VWA3B: variants seen among roughly 807,000 people sequenced by gnomAD.
The protein encoded by VWA3B is von Willebrand factor A domain-containing protein 3B.
Under a neutral mutation model 158.3 loss-of-function variants are expected in VWA3B, and 138 were observed. The ratio of observed to expected loss-of-function variants is 0.87; its 90% CI spans 0.76 to 1.00. The LOEUF (loss-of-function observed/expected upper bound fraction) is 1.00. Among genes scored for constraint, VWA3B ranks in the 50% least tolerant of loss-of-function variants. The pLI is 0.00. For missense variants in VWA3B, 1,555 were observed against 1,565.1 expected (o/e 0.99, Z 0.11); for synonymous variants, 596 against 587.3 (o/e 1.01, Z -0.21).
Position 98,218,550 on chromosome 2 carries a change from G to A in VWA3B, c.2019+522G>A, listed in dbSNP as rs144841218. Among the ~76,000 whole-genome samples the A allele has an allele frequency of 4.3e-3, 657 of 152,320 alleles. 7 individuals carry two copies. The highest frequency in any genetic ancestry group is 0.031 in the Middle Eastern group (9 of 294). On this transcript the variant is annotated intron_variant, in intron 14 of 27. Transcript: ENST00000477737. ...AGATGTAGGTGGTTAGTTGCTTGCTGACCTCTCAGACTATATAACCATTTG... is the reference window on the plus strand; with the variant it reads ...AGATGTAGGTGGTTAGTTGCTTGCTAACCTCTCAGACTATATAACCATTTG...
intron 8 of VWA3B, among the ~76,000 whole-genome samples, chr2:98,168,104 A>C (rs1573965806): frequency 6.6e-6 from 1 of 152,178 alleles, no homozygotes; most frequent in Non-Finnish European, 1.5e-5. Flanking sequence ...GAAGCAGAAA[A>C]ATGTCATCCG....
intron 7 of VWA3B, among the ~76,000 whole-genome samples, chr2:98,137,415 T>A (rs1192448566): frequency 1.3e-5 from 2 of 152,216 alleles, no homozygotes; most frequent in South Asian, 2.1e-4. Context: ...CATCTTTTCA[T>A]GTGCTTGTTG....
intron 1 of VWA3B, among the ~76,000 whole-genome samples, chr2:98,092,071 A>G (rs1436387544): frequency 6.6e-6 from 1 of 152,234 alleles, no homozygotes; most frequent in African/African-American, 2.4e-5. Flanking sequence ...GCTTAAGTCC[A>G]ATTGTAGAGC....
chr2:98,210,347 G>C (rs62154943), intron 12 of VWA3B, among the ~76,000 whole-genome samples: 1 of 152,064 alleles, frequency 6.6e-6, no homozygotes, highest in Non-Finnish European at 1.5e-5. Context: ...TGCATCCTAC[G>C]CTGGGCATGA....
At chr2:98,283,846 A>G (rs959640989) in intron 22 of VWA3B, among the ~76,000 whole-genome samples, 1 of 152,196 alleles carries the variant, frequency 6.6e-6, no homozygotes, top group Non-Finnish European at 1.5e-5. Context: ...GCAATTGCCC[A>G]AAGTCCCATA....
intron 21 of VWA3B, among the ~76,000 whole-genome samples, chr2:98,267,334 A>G (rs1268190176): frequency 1.3e-5 from 2 of 152,072 alleles, no homozygotes; most frequent in African/African-American, 4.8e-5. Flanking sequence ...GGCTCTGTTT[A>G]TATGCTGGAT....
intron 8 of VWA3B, among the ~76,000 whole-genome samples, chr2:98,175,182 TGAG>T (rs1374398172): frequency 3.9e-5 from 6 of 152,100 alleles, no homozygotes; most frequent in Non-Finnish European, 8.8e-5. Flanking sequence ...GAACTGTCCA[TGAG>T]GGAATTGTCC....
In VWA3B at chr2:98,119,800, T is replaced by A. The variant is rs745716689; in HGVS notation, c.542+37T>A. The A allele has an allele frequency of 5.0e-6, 8 of 1,606,666 alleles. No homozygotes were observed. In the Admixed American group the frequency reaches 1.3e-4, roughly 27 times the overall value. On this transcript the variant is annotated intron_variant, in intron 4 of 27. Coordinates refer to ENST00000477737, the MANE Select transcript of VWA3B (RefSeq NM_144992.5). Reference sequence around the variant, plus strand: ...TAGGAAGGGAGTATTTTAGTGAAAGTTCATAGTAATTTGTACATATTTGGA... The same window carrying A: ...TAGGAAGGGAGTATTTTAGTGAAAGATCATAGTAATTTGTACATATTTGGA...
At chr2:98,092,814 T>TTATA (rs1682417602) in intron 1 of VWA3B, among the ~76,000 whole-genome samples, 1 of 84,964 alleles carries the variant, frequency 1.2e-5, no homozygotes. Context: ...CTAGATGTTT[T>TTATA]TGTATATATA....
chr2:98,225,705 C>CAA (rs748819147), intron 14 of VWA3B, among the ~76,000 whole-genome samples: 5,706 of 105,526 alleles, frequency 0.054, 170 homozygotes, highest in Middle Eastern at 0.11. Flanking sequence ...AGGAGATCTA[C>CAA]AAAAAAAAAA....
At chr2:98,280,602 C>G (rs923698649) in intron 22 of VWA3B, among the ~76,000 whole-genome samples, 1 of 152,206 alleles carries the variant, frequency 6.6e-6, no homozygotes, top group South Asian at 2.1e-4. Context: ...GAGGCCAGAC[C>G]GCTCACCAGG....
At chr2:98,285,230 A>G (rs2105931225) in intron 22 of VWA3B, among the ~76,000 whole-genome samples, 1 of 152,256 alleles carries the variant, frequency 6.6e-6, no homozygotes, top group South Asian at 2.1e-4. Flanking sequence ...GATAACCACT[A>G]ATCAATTTGT....
chr2:98,094,581 T>C (rs1288611724), intron 2 of VWA3B, among the ~76,000 whole-genome samples: 1 of 152,200 alleles, frequency 6.6e-6, no homozygotes, highest in African/African-American at 2.4e-5. Flanking sequence ...GTTGTCTCTT[T>C]ACTCTGTTGA....
At chr2:98,103,511 C>T (rs1683227924) in intron 2 of VWA3B, among the ~76,000 whole-genome samples, 1 of 151,784 alleles carries the variant, frequency 6.6e-6, no homozygotes, top group Non-Finnish European at 1.5e-5. Context: ...AAAGTTTTTC[C>T]CTTGTGATTT....
At chr2:98,325,559 TAGAAAAC>T in the VWA3B span, among the ~76,000 whole-genome samples, 1 of 152,188 alleles carries the variant, frequency 6.6e-6, no homozygotes, top group Non-Finnish European at 1.5e-5. Context: ...TGGGAATTGA[TAGAAAAC>T]AGAAAATCGT....
chr2:98,275,594 G>T (rs908869021), intron 22 of VWA3B, among the ~76,000 whole-genome samples: 1 of 152,226 alleles, frequency 6.6e-6, no homozygotes, highest in Admixed American at 6.5e-5. Context: ...CAAAGCACTG[G>T]ACTAAAAGAT....
intron 20 of VWA3B, among the ~76,000 whole-genome samples, chr2:98,254,108 A>G (rs191609858): frequency 5.9e-5 from 9 of 152,326 alleles, no homozygotes; most frequent in Non-Finnish European, 1.5e-5. Context: ...AGTGTTTCTA[A>G]GCCTTGCTTT....
Position 98,278,630 on chromosome 2 carries a change from G to A in VWA3B, c.3045+7747G>A, listed in dbSNP as rs183256556. 2.8e-4 allele frequency among the ~76,000 whole-genome samples: 43 copies of A among 152,230 alleles called. No homozygotes were observed. The East Asian group carries it at 7.3e-3, about 26-fold the overall frequency. ...TGGCCACACTCTTCTCTGAGGTCCC[G>A]CCATCAAGCCATCCCCCTGAAGTCA... On this transcript the variant is annotated intron_variant, in intron 22 of 27. Transcript: ENST00000477737.
intron 8 of VWA3B, among the ~76,000 whole-genome samples, chr2:98,166,929 T>C (rs1558626309): frequency 1.3e-5 from 2 of 152,198 alleles, no homozygotes; most frequent in Non-Finnish European, 2.9e-5. Flanking sequence ...CTTTCATCAC[T>C]GGCTAGCCAT....
Sources: gnomAD v4.1 joint callset for allele counts (sites outside exome capture counted in the v4.1 genomes callset) on GRCh38, gnomAD v4.1.1 for gene constraint, MANE v1.5 for transcripts, NCBI Gene and HGNC (gene_info 2026-07-23, HGNC 2026-07-21) for gene names.